PCDH17: variants seen among roughly 807,000 people sequenced by gnomAD.
The protein encoded by PCDH17 is protocadherin-17.
PCDH17 carries 21 observed loss-of-function variants against 67.7 expected under a neutral mutation model. That is an observed-to-expected ratio of 0.31 (90% CI 0.22 to 0.45). PCDH17 has a LOEUF of 0.45. PCDH17 is among the 20% of genes least tolerant of loss of function. The probability of loss-of-function intolerance (pLI) is 1.00; values close to 1 mark genes in which losing one functional copy is unlikely to be tolerated. For missense variants in PCDH17, 1,471 were observed against 1,564.8 expected (o/e 0.94, Z 1.01); for synonymous variants, 701 against 656.7 (o/e 1.07, Z -1.03).
intron 3 of PCDH17, among the ~76,000 whole-genome samples, chr13:57,682,398 C>T (rs1955459796): frequency 6.6e-6 from 1 of 151,740 alleles, no homozygotes; most frequent in Non-Finnish European, 1.5e-5. Context: ...GTTACTCAAT[C>T]ACCAACAATT....
intron 3 of PCDH17, among the ~76,000 whole-genome samples, chr13:57,688,556 T>A (rs1955528568): frequency 6.6e-6 from 1 of 152,084 alleles, no homozygotes; most frequent in African/African-American, 2.4e-5. Context: ...TGTGCACATG[T>A]TTGTTTTCAA....
At chr13:57,686,494 A>G (rs1747378153) in intron 3 of PCDH17, among the ~76,000 whole-genome samples, 1 of 151,952 alleles carries the variant, frequency 6.6e-6, no homozygotes, top group South Asian at 2.1e-4. Context: ...GATGATATCA[A>G]AGGGGCCAGT....
At chr13:57,707,633 T>C (rs1402667999) in intron 3 of PCDH17, among the ~76,000 whole-genome samples, 2 of 152,058 alleles carry the variant, frequency 1.3e-5, no homozygotes, top group East Asian at 3.9e-4. Context: ...TATAACGAAG[T>C]ACTGCAAACT....
intron 1 of PCDH17, among the ~76,000 whole-genome samples, chr13:57,648,468 C>G (rs1954994254): frequency 6.6e-6 from 1 of 151,808 alleles, no homozygotes; most frequent in African/African-American, 2.4e-5. Flanking sequence ...TCAAGTTGGA[C>G]ATTTGAAGTT....
chr13:57,682,362 T>G (rs1210489436), intron 3 of PCDH17, among the ~76,000 whole-genome samples: 1 of 151,738 alleles, frequency 6.6e-6, no homozygotes, highest in African/African-American at 2.4e-5. Flanking sequence ...CCCTCTCAGG[T>G]GGTCACATGT....
chr13:57,645,837 ATGTC>A (rs777477553), intron 1 of PCDH17, among the ~76,000 whole-genome samples: 4 of 151,340 alleles, frequency 2.6e-5, no homozygotes, highest in Admixed American at 2.0e-4. Context: ...TTCTGATGTT[ATGTC>A]TGTCTATTTT....
In PCDH17 at chr13:57,632,648, G is replaced by A; in HGVS notation, c.102G>A (p.Val34=). 1 of 1,613,112 alleles carries A rather than the reference G, an allele frequency of 6.2e-7. No individual in the cohort carries two copies. The highest frequency in any genetic ancestry group is 8.5e-7 in the Non-Finnish European group (1 of 1,179,974). The change falls in exon 1 of 4, where the codon GTG becomes GTA. Residue 34 remains valine (V), a synonymous_variant. Coordinates refer to ENST00000377918, the MANE Select transcript of PCDH17 (RefSeq NM_001040429.3). ...SVPEEQGAGT[V]IGNIGRDARL... Reference sequence around the variant, plus strand: ...CGGAGGAGCAAGGGGCCGGCACGGTGATCGGGAACATCGGCAGGGATGCTC... The same window carrying A: ...CGGAGGAGCAAGGGGCCGGCACGGTAATCGGGAACATCGGCAGGGATGCTC...
At chr13:57,678,144 C>CGT (rs1555285625) in intron 3 of PCDH17, among the ~76,000 whole-genome samples, 8 of 147,476 alleles carry the variant, frequency 5.4e-5, no homozygotes, top group African/African-American at 2.0e-4. Context: ...TCTCTATCTC[C>CGT]ATATATATAT....
chr13:57,632,878 A>G lies in PCDH17; in HGVS notation c.332A>G (p.Asn111Ser). 3 of 1,614,072 alleles carry G rather than the reference A, an allele frequency of 1.9e-6. No individual in the cohort carries two copies. Among genetic ancestry groups the G allele is most frequent in the Non-Finnish European group, 2.5e-6 (3 of 1,180,030 alleles). ...CAGCTGTCCCTCGAGGTGTTCGCCA[A>G]CGACAAGGAGATCTGCATGATCAAG... ...KCQLSLEVFA[N>S]DKEICMIKVE... Residue 111 changes from asparagine to serine, a missense_variant, in exon 1 of 4, where the codon AAC becomes AGC. Physicochemically the swap from Asn to Ser is conservative, Grantham distance 46 (BLOSUM62 1). Around this residue, in one of 3 missense-constraint regions of PCDH17, gnomAD observed 1,163 missense variants for 1,230.0 expected, o/e 0.95. Transcript: ENST00000377918.
intron 1 of PCDH17, among the ~76,000 whole-genome samples, chr13:57,665,587 G>A (rs1190448595): frequency 1.3e-5 from 2 of 152,108 alleles, no homozygotes; most frequent in Admixed American, 1.3e-4. Context: ...AACAGGAGAA[G>A]CTTTGTCACT....
At position 57,726,749 on chromosome 13, in the gene PCDH17, A is replaced by G. The variant is rs1206334069; in HGVS notation, c.*1455A>G. The stretch of plus-strand genomic sequence containing the variant: ...TCTGAAACTTCTTCATGTTTTTTCA[A>G]TAACATACAGCTTCTGCCTGTGTAG... On this transcript the variant is annotated 3_prime_UTR_variant, in exon 4 of 4. Coordinates refer to ENST00000377918, the MANE Select transcript of PCDH17 (RefSeq NM_001040429.3). 4.6e-5 allele frequency: 7 copies of G among 152,306 alleles called. No individual in the cohort carries two copies. Among genetic ancestry groups the G allele is most frequent in the African/African-American group, 1.2e-4 (5 of 41,470 alleles). 9.4% of individuals were successfully genotyped at this position (152,306 alleles called of 1,614,324 possible).
chr13:57,686,965 T>G (rs1396666878), intron 3 of PCDH17, among the ~76,000 whole-genome samples: 1 of 151,992 alleles, frequency 6.6e-6, no homozygotes, highest in Non-Finnish European at 1.5e-5. Context: ...CAGCATTTTC[T>G]CTTAAGAACA....
At chr13:57,704,291 T>C (rs568448603) in intron 3 of PCDH17, among the ~76,000 whole-genome samples, 1 of 152,124 alleles carries the variant, frequency 6.6e-6, no homozygotes, top group Non-Finnish European at 1.5e-5. Flanking sequence ...CATGGCTTAT[T>C]ATGTCTTCAT....
chr13:57,680,906 T>C (rs1215156433), intron 3 of PCDH17, among the ~76,000 whole-genome samples: 1 of 151,758 alleles, frequency 6.6e-6, no homozygotes, highest in South Asian at 2.1e-4. Flanking sequence ...TAATTCCTAA[T>C]GAAATTCTTA....
At chr13:57,702,979 G>A (rs942224281) in intron 3 of PCDH17, among the ~76,000 whole-genome samples, 5 of 152,116 alleles carry the variant, frequency 3.3e-5, no homozygotes, top group East Asian at 1.9e-4. Flanking sequence ...TGTGTGTGGC[G>A]TTTGCATGTG....
chr13:57,711,794 T>C (rs763356736), intron 3 of PCDH17, among the ~76,000 whole-genome samples: 13 of 151,428 alleles, frequency 8.6e-5, no homozygotes, highest in African/African-American at 2.7e-4. Flanking sequence ...ATTTTTACTT[T>C]TGTTTCAATT....
intron 1 of PCDH17, among the ~76,000 whole-genome samples, chr13:57,636,195 ACTTCATT>A (rs1954820661): frequency 6.6e-6 from 1 of 152,130 alleles, no homozygotes; most frequent in Non-Finnish European, 1.5e-5. Context: ...TCACAGAAAA[ACTTCATT>A]CTTGCTTATT....
chr13:57,698,211 A>G (rs758146850), intron 3 of PCDH17, among the ~76,000 whole-genome samples: 1 of 151,498 alleles, frequency 6.6e-6, no homozygotes, highest in Non-Finnish European at 1.5e-5. Flanking sequence ...GATAATATAT[A>G]GAGAAATATA....
At chr13:57,662,590 T>A (rs929004699) in intron 1 of PCDH17, among the ~76,000 whole-genome samples, 3 of 152,144 alleles carry the variant, frequency 2.0e-5, no homozygotes, top group African/African-American at 7.2e-5. Context: ...CAGAGAGCTT[T>A]CCTAGTCTCA....
Sources: allele counts gnomAD v4.1 joint callset (sites outside exome capture counted in the v4.1 genomes callset), GRCh38; gene constraint gnomAD v4.1.1; regional missense constraint gnomAD v4.1.1; transcripts MANE v1.5; gene names NCBI Gene and HGNC (gene_info 2026-07-23, HGNC 2026-07-21).